The following HDAC4 variants were observed in gnomAD, a reference collection of about 807,000 sequenced individuals.
HDAC4 encodes the protein histone deacetylase 4, also known as histone deacetylase A.
A neutral mutation model predicts 135.1 loss-of-function variants in HDAC4; 16 were observed. That is an observed-to-expected ratio of 0.12 (90% CI 0.08 to 0.18). The LOEUF is 0.18. Among genes scored for constraint, HDAC4 ranks in the 10% least tolerant of loss-of-function variants. The pLI is 1.00. For missense variants in HDAC4, 1,143 were observed against 1,511.8 expected, an observed-to-expected ratio of 0.76 and a Z score of 4.05; for synonymous variants, 685 against 653.4, an observed-to-expected ratio of 1.05 and a Z score of -0.74.
chr2:239,227,140 C>T (rs1035019652), intron 3 of HDAC4, among the ~76,000 whole-genome samples: 24 of 152,192 alleles, frequency 1.6e-4, no homozygotes, highest in African/African-American at 5.3e-4. Context: ...CACAGCCCTC[C>T]GGGGCACAGG....
At chr2:239,316,534 C>T (rs548721033) in intron 2 of HDAC4, among the ~76,000 whole-genome samples, 110 of 152,254 alleles carry the variant, frequency 7.2e-4, no homozygotes, top group African/African-American at 2.6e-3. Context: ...CTTGAGCCCA[C>T]GAGGTGGAGG....
intron 1 of HDAC4, among the ~76,000 whole-genome samples, chr2:239,399,844 TAA>T (rs977652084): frequency 1.6e-4 from 24 of 152,266 alleles, no homozygotes; most frequent in African/African-American, 4.1e-4. Flanking sequence ...TAAAATAACT[TAA>T]GTTTAATTTC....
chr2:239,099,058 C>T (rs1213360290), intron 16 of HDAC4, among the ~76,000 whole-genome samples: 1 of 152,204 alleles, frequency 6.6e-6, no homozygotes, highest in African/African-American at 2.4e-5. Context: ...AATAAAGAAA[C>T]CAAAAACAAG....
chr2:239,189,664 C>T (rs564679428), intron 4 of HDAC4, among the ~76,000 whole-genome samples, 169 bp downstream of exon 4: 1 of 152,356 alleles, frequency 6.6e-6, no homozygotes, highest in Non-Finnish European at 1.5e-5. Context: ...CACGCAAGTG[C>T]TGCCCGCGGT....
chr2:239,094,351 G>C, intron 17 of HDAC4: 1 of 985,452 alleles, frequency 1.0e-6, no homozygotes, highest in Non-Finnish European at 1.2e-6. Flanking sequence ...CGGATGGGCA[G>C]ATGCCCAGAC....
chr2:239,378,093 G>A (rs907493348), intron 1 of HDAC4, among the ~76,000 whole-genome samples: 13 of 152,264 alleles, frequency 8.5e-5, no homozygotes, highest in African/African-American at 1.9e-4. Context: ...AACATCCGGG[G>A]AATGCCAGCG....
chr2:239,094,618 G>C, intron 17 of HDAC4: 1 of 1,143,742 alleles, frequency 8.7e-7, no homozygotes, highest in Non-Finnish European at 1.1e-6. Flanking sequence ...AGCCCCACCT[G>C]TAGCTTCGGG....
chr2:239,122,108 A>C (rs1437094414), intron 12 of HDAC4, among the ~76,000 whole-genome samples: 2 of 152,240 alleles, frequency 1.3e-5, no homozygotes, highest in Non-Finnish European at 2.9e-5. Flanking sequence ...AACTGCCAGT[A>C]TTTTAAAACA....
chr2:239,200,417 A>C (rs143856848), intron 3 of HDAC4, among the ~76,000 whole-genome samples: 2 of 152,348 alleles, frequency 1.3e-5, no homozygotes, highest in African/African-American at 4.8e-5. Flanking sequence ...AGAAAGTAGA[A>C]GTATTCTTTA....
At chr2:239,339,438 G>T (rs560413260) in intron 2 of HDAC4, among the ~76,000 whole-genome samples, 2 of 152,326 alleles carry the variant, frequency 1.3e-5, no homozygotes, top group East Asian at 3.9e-4. Context: ...CCTGGGCAGT[G>T]ATCTCCCAGC....
chr2:239,152,877 G>A (rs922468401), intron 7 of HDAC4, among the ~76,000 whole-genome samples: 1 of 152,194 alleles, frequency 6.6e-6, no homozygotes, highest in Non-Finnish European at 1.5e-5. Flanking sequence ...AAAACACCTC[G>A]ATCTGGTCCT....
At chr2:239,354,973 C>A (rs959851767) in intron 1 of HDAC4, among the ~76,000 whole-genome samples, 1 of 152,120 alleles carries the variant, frequency 6.6e-6, no homozygotes, top group Non-Finnish European at 1.5e-5. Flanking sequence ...TCATTCCCCC[C>A]TCAACATTGT....
rs1218653846 is a variant in HDAC4 at position 239,352,455 on chromosome 2, C to T, written c.22+223G>A. ...CTCAAGTCAGCCTGCAAACCGGGGT[C>T]GCAGACTTGACTCCACATCCTCCCA... On this transcript the variant is annotated intron_variant, in intron 2 of 26. Coordinates refer to ENST00000543185, the MANE Select transcript of HDAC4 (RefSeq NM_001378414.1). The surrounding 1 kb of genome is among the most constrained non-coding windows in gnomAD (Gnocchi z 4.4). 6.6e-6 allele frequency among the ~76,000 whole-genome samples: 1 copy of T among 152,198 alleles called. No homozygotes were observed. The highest frequency in any genetic ancestry group is 1.9e-4 in the East Asian group (1 of 5,198).
At chr2:239,294,448 AAG>A (rs1439614531) in intron 2 of HDAC4, among the ~76,000 whole-genome samples, 2 of 152,102 alleles carry the variant, frequency 1.3e-5, no homozygotes, top group South Asian at 2.1e-4. Context: ...AAAAAAGAGA[AAG>A]AGACTGCAAG....
chr2:239,164,009 G>T (rs2042979683), intron 5 of HDAC4, 86 bp from the exon 6 acceptor site: 1 of 1,534,800 alleles, frequency 6.5e-7, no homozygotes, highest in Non-Finnish European at 9.0e-7. Context: ...CAGAGGGAGG[G>T]AAGGGCTGGG....
chr2:239,187,604 T>A lies in HDAC4; in HGVS notation c.339+2229A>T, dbSNP rs183401372. Among the ~76,000 whole-genome samples, 3 of 152,296 alleles carry A rather than the reference T, an allele frequency of 2.0e-5. No homozygotes were observed. In the East Asian group the frequency reaches 5.8e-4, roughly 30 times the overall value. ...AACAGAGGCCAGCTGCAGTTGCCCA[T>A]GGTCAGGGCCGTGAGGGAGGCAAGA... On this transcript the variant is annotated intron_variant, in intron 4 of 26. Transcript: ENST00000543185.
intron 2 of HDAC4, among the ~76,000 whole-genome samples, chr2:239,244,115 G>A (rs2048341863): frequency 6.6e-6 from 1 of 152,216 alleles, no homozygotes; most frequent in African/African-American, 2.4e-5. Context: ...GCTGACGTCA[G>A]ACCAGAGAAG....
chr2:239,365,134 A>G (rs924341281), intron 1 of HDAC4, among the ~76,000 whole-genome samples: 1 of 151,912 alleles, frequency 6.6e-6, no homozygotes, highest in African/African-American at 2.4e-5. Flanking sequence ...GACATTTCTG[A>G]CTCCTGTCTA....
chr2:239,188,661 G>A (rs559505277), intron 4 of HDAC4, among the ~76,000 whole-genome samples: 16 of 152,346 alleles, frequency 1.1e-4, no homozygotes, highest in Admixed American at 5.2e-4. Flanking sequence ...CCCTACGTGC[G>A]ACCCAGTGGC....
Sources: gnomAD v4.1 joint callset for allele counts (sites outside exome capture counted in the v4.1 genomes callset) on GRCh38, gnomAD v4.1.1 for gene constraint, Gnocchi (gnomAD v3.1) non-coding constraint, MANE v1.5 for transcripts, NCBI Gene and HGNC (gene_info 2026-07-23, HGNC 2026-07-21) for gene names.